Variants in PLXDC2 observed in about 807,000 individuals in gnomAD.
The protein encoded by PLXDC2 is plexin domain containing 2, also known as plexin domain-containing protein 2.
In PLXDC2, 40 loss-of-function variants were observed where a neutral mutation model predicts 68.9. That is an observed-to-expected ratio of 0.58 (90% CI 0.45 to 0.76). PLXDC2 has a LOEUF of 0.76. PLXDC2 is among the 30% of genes least tolerant of loss of function. PLXDC2 has a pLI of 0.00. For missense variants in PLXDC2, 644 were observed against 661.9 expected (o/e 0.97, Z 0.30); for synonymous variants, 243 against 234.2 (o/e 1.04, Z -0.34).
At chr10:19,856,187 A>G (rs1419562145) in intron 1 of PLXDC2, among the ~76,000 whole-genome samples, 2 of 152,166 alleles carry the variant, frequency 1.3e-5, no homozygotes, top group African/African-American at 4.8e-5. Context: ...TTGTCAATTC[A>G]TATATTTACT....
intron 4 of PLXDC2, among the ~76,000 whole-genome samples, chr10:20,083,476 CAA>C (rs376829237): frequency 0.014 from 1,653 of 121,354 alleles, 40 homozygotes; most frequent in African/African-American, 0.046. Context: ...GACTCCGTCT[CAA>C]AAAAAAAAAA....
chr10:20,099,988 C>T (rs1833401705), intron 4 of PLXDC2, among the ~76,000 whole-genome samples: 2 of 152,076 alleles, frequency 1.3e-5, no homozygotes, highest in African/African-American at 2.4e-5. Context: ...CATATGTTAC[C>T]TATTCAAAAA....
intron 10 of PLXDC2, among the ~76,000 whole-genome samples, chr10:20,215,010 C>A (rs894691417): frequency 1.2e-4 from 18 of 152,074 alleles, no homozygotes; most frequent in Non-Finnish European, 5.9e-5. Context: ...GAATAATCAA[C>A]ATAAAGATGT....
chr10:19,886,438 G>T (rs1412040246), intron 1 of PLXDC2, among the ~76,000 whole-genome samples: 1 of 152,038 alleles, frequency 6.6e-6, no homozygotes, highest in Non-Finnish European at 1.5e-5. Context: ...TGATCAAGTG[G>T]GCTTCATCCC....
chr10:20,000,429 G>A (rs537997129), intron 1 of PLXDC2, among the ~76,000 whole-genome samples: 2 of 151,922 alleles, frequency 1.3e-5, no homozygotes, highest in African/African-American at 2.4e-5. Flanking sequence ...CTCAAGGAAA[G>A]GTCTAGATGG....
intron 6 of PLXDC2, among the ~76,000 whole-genome samples, chr10:20,152,228 T>C (rs959530848): frequency 1.3e-5 from 2 of 152,136 alleles, no homozygotes; most frequent in African/African-American, 4.8e-5. Flanking sequence ...ACAATCTTGC[T>C]TATAGTGGGA....
At chr10:20,215,571 G>A (rs1158092653) in intron 10 of PLXDC2, among the ~76,000 whole-genome samples, 1 of 151,964 alleles carries the variant, frequency 6.6e-6, no homozygotes, top group Non-Finnish European at 1.5e-5. Flanking sequence ...TTGATAAGAA[G>A]CCAGCAGAGA....
rs1051326069 is a variant in PLXDC2 at position 20,287,756 on chromosome 10, T to C, written c.*7937T>C. 6.6e-6 allele frequency: 1 copy of C among 152,000 alleles called. No homozygotes were observed. Among genetic ancestry groups the C allele is most frequent in the African/African-American group, 2.4e-5 (1 of 41,358 alleles). 9.4% of individuals were successfully genotyped at this position (152,000 alleles called of 1,614,324 possible). A position where few individuals can be genotyped will look rare whatever the true frequency, so the allele number is the denominator to read the frequency against. Reference sequence around the variant, plus strand: ...GAAGAGGGGGAAGTCTTTTCATTGATTGGTCAAAACAAATCTCTCATTTGC... The same window carrying C: ...GAAGAGGGGGAAGTCTTTTCATTGACTGGTCAAAACAAATCTCTCATTTGC... On this transcript the variant is annotated 3_prime_UTR_variant, in exon 14 of 14. Transcript: ENST00000377252.
At chr10:20,178,448 G>GC (rs1399852859) in intron 9 of PLXDC2, among the ~76,000 whole-genome samples, 5 of 152,042 alleles carry the variant, frequency 3.3e-5, no homozygotes, top group Admixed American at 6.6e-5. Context: ...CATGGTCCCT[G>GC]CCCCCCATGA....
chr10:19,825,048 A>G (rs186340337), intron 1 of PLXDC2, among the ~76,000 whole-genome samples: 1 of 152,004 alleles, frequency 6.6e-6, no homozygotes, highest in African/African-American at 2.4e-5. Flanking sequence ...CCTTTACCTT[A>G]CCCTTCAAAT....
At chr10:19,820,112 A>G (rs189795540) in intron 1 of PLXDC2, among the ~76,000 whole-genome samples, 1 of 152,356 alleles carries the variant, frequency 6.6e-6, no homozygotes, top group East Asian at 1.9e-4. Flanking sequence ...ATTGTAGTGT[A>G]GAACATTTAT....
At chr10:19,955,347 TG>T (rs1834052739) in intron 1 of PLXDC2, among the ~76,000 whole-genome samples, 1 of 151,948 alleles carries the variant, frequency 6.6e-6, no homozygotes, top group African/African-American at 2.4e-5. Context: ...TCCTGGATTT[TG>T]TACCAAACTG....
intron 12 of PLXDC2, among the ~76,000 whole-genome samples, chr10:20,223,972 AT>A (rs10561584): frequency 0.24 from 32,115 of 132,982 alleles, 3,053 homozygotes; most frequent in Middle Eastern, 0.35. Flanking sequence ...CCTAGAATGT[AT>A]TTTTTTTTTT....
At chr10:19,975,247 G>T (rs1264974408) in intron 1 of PLXDC2, among the ~76,000 whole-genome samples, 1 of 152,122 alleles carries the variant, frequency 6.6e-6, no homozygotes, top group East Asian at 1.9e-4. Flanking sequence ...GAGGTCAGGA[G>T]ATTGAGACCA....
chr10:19,993,824 A>G (rs181900748), intron 1 of PLXDC2, among the ~76,000 whole-genome samples: 3 of 152,204 alleles, frequency 2.0e-5, no homozygotes, highest in African/African-American at 7.2e-5. Context: ...CCAAAACATT[A>G]CCCTACAATG....
At chr10:20,188,128 A>G (rs116066524) in intron 9 of PLXDC2, among the ~76,000 whole-genome samples, 2 of 151,654 alleles carry the variant, frequency 1.3e-5, no homozygotes, top group African/African-American at 4.8e-5. Flanking sequence ...TATTAAATAT[A>G]TACTAAATAT....
At chr10:20,117,046 A>C (rs547025024) in intron 4 of PLXDC2, among the ~76,000 whole-genome samples, 4 of 108,578 alleles carry the variant, frequency 3.7e-5, no homozygotes, top group Non-Finnish European at 5.4e-5. Context: ...AAATCCCTTA[A>C]AAATGAAAAA....
intron 4 of PLXDC2, among the ~76,000 whole-genome samples, chr10:20,106,914 G>A (rs1392495457): frequency 6.6e-6 from 1 of 151,110 alleles, no homozygotes; most frequent in Non-Finnish European, 1.5e-5. Context: ...GTAGTATAAA[G>A]GATAAAGTAA....
intron 2 of PLXDC2, among the ~76,000 whole-genome samples, chr10:20,021,301 G>C (rs1012135881): frequency 6.6e-6 from 1 of 151,936 alleles, no homozygotes; most frequent in Non-Finnish European, 1.5e-5. Context: ...TACATGCGCA[G>C]AATGTGCAGA....
Sources: gnomAD v4.1 joint callset for allele counts (sites outside exome capture counted in the v4.1 genomes callset) on GRCh38, gnomAD v4.1.1 for gene constraint, MANE v1.5 for transcripts, NCBI Gene and HGNC (gene_info 2026-07-23, HGNC 2026-07-21) for gene names.